ARHGEF7: variants seen among roughly 807,000 people sequenced by gnomAD.
The protein encoded by ARHGEF7 is PAK-interacting exchange factor beta.
In ARHGEF7, 33 loss-of-function variants were observed where a neutral mutation model predicts 109.8. The observed-to-expected ratio is 0.30, with a 90% CI of 0.23 to 0.40. The LOEUF is 0.40. ARHGEF7 is among the 10% of genes least tolerant of loss of function. ARHGEF7 has a pLI of 1.00. For synonymous variants in ARHGEF7, 458 were observed against 424.6 expected (o/e 1.08, Z -0.97); for missense variants, 938 against 1,098.5 (o/e 0.85, Z 2.07).
At chr13:111,170,771 A>C (rs2077530643) in intron 2 of ARHGEF7, among the ~76,000 whole-genome samples, 1 of 152,206 alleles carries the variant, frequency 6.6e-6, no homozygotes, top group Admixed American at 6.5e-5. Flanking sequence ...GGCCCCTGGA[A>C]GCAGAGCCTG....
chr13:111,168,445 G>A (rs2153409100), intron 2 of ARHGEF7, among the ~76,000 whole-genome samples: 1 of 152,300 alleles, frequency 6.6e-6, no homozygotes, highest in South Asian at 2.1e-4. Context: ...CGAGTGGAGA[G>A]TTGACACTTT....
intron 2 of ARHGEF7, among the ~76,000 whole-genome samples, chr13:111,170,337 A>AC: frequency 6.6e-6 from 1 of 152,200 alleles, no homozygotes; most frequent in African/African-American, 2.4e-5. Flanking sequence ...GCCTTAAGTG[A>AC]TCCACCCGCC....
At chr13:111,210,921 TAA>T (rs1245648631) in intron 4 of ARHGEF7, among the ~76,000 whole-genome samples, 1 of 152,170 alleles carries the variant, frequency 6.6e-6, no homozygotes, top group African/African-American at 2.4e-5. Flanking sequence ...CCTCAAGAAA[TAA>T]AAGTTAATTT....
intron 8 of ARHGEF7, among the ~76,000 whole-genome samples, chr13:111,253,322 A>C (rs544828245): frequency 6.6e-6 from 1 of 152,350 alleles, no homozygotes; most frequent in African/African-American, 2.4e-5. Context: ...ATCTAATAGT[A>C]TCTTTTAAAC....
intron 3 of ARHGEF7, among the ~76,000 whole-genome samples, chr13:111,205,615 C>T (rs987757258): frequency 2.0e-5 from 3 of 152,100 alleles, no homozygotes; most frequent in African/African-American, 7.2e-5. Flanking sequence ...AGATTTCTCA[C>T]CTGAACGTAT....
chr13:111,275,833 G>A, intron 12 of ARHGEF7, 155 bp downstream of exon 12: 1 of 915,684 alleles, frequency 1.1e-6, no homozygotes. Flanking sequence ...ACAGGAGAGA[G>A]GCTTATGGCA....
chr13:111,286,534 C>T (rs1474571484), intron 17 of ARHGEF7, among the ~76,000 whole-genome samples: 1 of 152,190 alleles, frequency 6.6e-6, no homozygotes, highest in Non-Finnish European at 1.5e-5. Flanking sequence ...TCTTCTGGTT[C>T]TCCCTCTCGC....
At chr13:111,233,569 C>A (rs772300285) in intron 6 of ARHGEF7, among the ~76,000 whole-genome samples, 7 of 152,138 alleles carry the variant, frequency 4.6e-5, no homozygotes, top group Non-Finnish European at 1.0e-4. Context: ...CATGCCATAG[C>A]CAGTCTTCAA....
chr13:111,202,272 T>A (rs1005693274), intron 2 of ARHGEF7, among the ~76,000 whole-genome samples: 1 of 152,224 alleles, frequency 6.6e-6, no homozygotes, highest in Non-Finnish European at 1.5e-5. Context: ...TGGGCAGGAT[T>A]CCTAATGACC....
At chr13:111,137,618 T>G (rs1406119929) in intron 1 of ARHGEF7, among the ~76,000 whole-genome samples, 2 of 152,146 alleles carry the variant, frequency 1.3e-5, no homozygotes, top group African/African-American at 4.8e-5. Context: ...CCTGCTTGGG[T>G]TGGAAGGGGA....
chr13:111,212,716 C>T lies in ARHGEF7; in HGVS notation c.468+2714C>T, dbSNP rs543590616. On this transcript the variant is annotated intron_variant, in intron 4 of 21. Transcript: ENST00000646102. Reference sequence around the variant, plus strand: ...TCACCGAGTGTATTTCCAAGACATGCAAGAAATTATATCCAAATGTATTGT... The same window carrying T: ...TCACCGAGTGTATTTCCAAGACATGTAAGAAATTATATCCAAATGTATTGT... 9.6e-4 allele frequency among the ~76,000 whole-genome samples: 146 copies of T among 152,284 alleles called. 1 individual carries two copies. Among genetic ancestry groups the T allele is most frequent in the African/African-American group, 3.4e-3 (141 of 41,554 alleles).
At position 111,265,485 on chromosome 13, in the gene ARHGEF7, C is replaced by A; in HGVS notation, c.951-2063C>A. On this transcript the variant is annotated intron_variant, in intron 8 of 21. Coordinates refer to ENST00000646102, the MANE Select transcript of ARHGEF7 (RefSeq NM_001354046.2). ...TCTCCTGACTATGACTTTCTCCAGC[C>A]AGTACTTAGCCGCGGAGCGGAAAGC... The A allele has an allele frequency of 6.8e-6, 3 of 443,676 alleles. 1 individual carries two copies. The highest frequency in any genetic ancestry group is 3.2e-5 in the South Asian group (2 of 62,686). The allele number at this position is 443,676 out of a possible 1,614,324, so 27.5% of individuals were successfully genotyped here. A position where few individuals can be genotyped will look rare whatever the true frequency, so the allele number is the denominator to read the frequency against.
At chr13:111,135,104 A>C (rs1254761330) in intron 1 of ARHGEF7, among the ~76,000 whole-genome samples, 1 of 152,130 alleles carries the variant, frequency 6.6e-6, no homozygotes, top group Admixed American at 6.5e-5. Flanking sequence ...AAGATCAGAT[A>C]GTTGTAGATG....
At chr13:111,114,701 C>A, upstream of ARHGEF7, 1 of 152,496 alleles carries the variant, frequency 6.6e-6, no homozygotes, top group South Asian at 2.1e-4. Context: ...TTTCCTTGAC[C>A]TTCCCCCGGC....
At chr13:111,124,368 G>C (rs578055209) in intron 1 of ARHGEF7, among the ~76,000 whole-genome samples, 1 of 152,388 alleles carries the variant, frequency 6.6e-6, no homozygotes, top group African/African-American at 2.4e-5. Context: ...GTGATGCCCA[G>C]AAGTCTGAAC....
chr13:111,296,954 T>C (rs560725779), intron 19 of ARHGEF7, among the ~76,000 whole-genome samples: 7 of 152,376 alleles, frequency 4.6e-5, no homozygotes, highest in South Asian at 2.1e-4. Flanking sequence ...GCCTCTGTTA[T>C]GGATTTTAAA....
chr13:111,132,002 GGGT>G (rs2074780809), intron 1 of ARHGEF7, among the ~76,000 whole-genome samples: 1 of 152,158 alleles, frequency 6.6e-6, no homozygotes, highest in African/African-American at 2.4e-5. Context: ...ACCCATGGAG[GGGT>G]GCATGCACCT....
In ARHGEF7 at chr13:111,266,066, T is replaced by A. The variant is rs2091606860; in HGVS notation, c.951-1482T>A. Among the ~76,000 whole-genome samples, 1 of 152,192 alleles carries A rather than the reference T, an allele frequency of 6.6e-6. No individual in the cohort carries two copies. The highest frequency in any genetic ancestry group is 2.1e-4 in the South Asian group (1 of 4,828). ...GTTGGATGCTGACGTCTTTCATTTTTTTTTGCATTCCTCTGTCATTTTGGT... is the reference window on the plus strand; with the variant it reads ...GTTGGATGCTGACGTCTTTCATTTTATTTTGCATTCCTCTGTCATTTTGGT... On this transcript the variant is annotated intron_variant, in intron 8 of 21. Transcript: ENST00000646102. The surrounding 1 kb of genome is among the most constrained non-coding windows in gnomAD (Gnocchi z 4.8).
intron 2 of ARHGEF7, among the ~76,000 whole-genome samples, chr13:111,177,270 A>G (rs576017857): frequency 1.3e-5 from 2 of 152,276 alleles, no homozygotes; most frequent in Admixed American, 6.5e-5. Context: ...GTTGTGATGC[A>G]CTTCCTGTCT....
Sources: gnomAD v4.1 joint callset for allele counts (sites outside exome capture counted in the v4.1 genomes callset) on GRCh38, gnomAD v4.1.1 for gene constraint, Gnocchi (gnomAD v3.1) non-coding constraint, MANE v1.5 for transcripts, NCBI Gene and HGNC (gene_info 2026-07-23, HGNC 2026-07-21) for gene names.